PACSIN2: variants seen among roughly 807,000 people sequenced by gnomAD.
PACSIN2 encodes protein kinase C and casein kinase substrate in neurons 2, also known as protein kinase C and casein kinase substrate in neurons protein 2.
In PACSIN2, 25 loss-of-function variants were observed where a neutral mutation model predicts 63.8. The observed-to-expected ratio is 0.39, with a 90% confidence interval of 0.29 to 0.55. The LOEUF (loss-of-function observed/expected upper bound fraction) is 0.55. Among genes scored for constraint, PACSIN2 ranks in the 20% least tolerant of loss-of-function variants. The pLI, the probability that PACSIN2 is intolerant of heterozygous loss-of-function variation, is 0.62. For synonymous variants in PACSIN2, 255 were observed against 256.2 expected (o/e 1.00, Z 0.05); for missense variants, 518 against 646.9 (o/e 0.80, Z 2.16).
chr22:43,000,342 A>C (rs1569367494), intron 1 of PACSIN2, among the ~76,000 whole-genome samples: 1 of 152,320 alleles, frequency 6.6e-6, no homozygotes, highest in East Asian at 1.9e-4. Context: ...CTCTACCCCA[A>C]GGAGAGAACT....
At chr22:42,963,007 T>C (rs549016976) in intron 1 of PACSIN2, among the ~76,000 whole-genome samples, 3 of 152,280 alleles carry the variant, frequency 2.0e-5, no homozygotes, top group South Asian at 2.1e-4. Context: ...GACCACTCTT[T>C]AGGTGATGCT....
chr22:42,982,819 C>T (rs1922277462), intron 1 of PACSIN2, among the ~76,000 whole-genome samples: 1 of 134,950 alleles, frequency 7.4e-6, no homozygotes, highest in African/African-American at 2.8e-5. Context: ...CACTATTGTC[C>T]TATGACCCTG....
In PACSIN2 at chr22:42,888,724, G is replaced by A. The variant is rs773101915; in HGVS notation, c.528C>T (p.Ser176=). The change falls in exon 5 of 11, where the codon AGC becomes AGT. Residue 176 remains serine, a synonymous_variant. Coordinates refer to ENST00000263246, the MANE Select transcript of PACSIN2 (RefSeq NM_001184970.3). The part of the protein sequence containing the change: ...EKLAISREAN[S]KADPSLNPEQ... ...CAGGGTTGAGGGATGGGTCTGCCTT[G>A]CTGTTGGCTTCTCGTGAGATAGCCA... 1.2e-5 allele frequency: 19 copies of A among 1,614,040 alleles called. No individual in the cohort carries two copies. The South Asian group carries it at 2.1e-4, about 18-fold the overall frequency.
chr22:42,913,353 C>T (rs1931586309), intron 1 of PACSIN2, among the ~76,000 whole-genome samples: 1 of 152,056 alleles, frequency 6.6e-6, no homozygotes, highest in Non-Finnish European at 1.5e-5. Context: ...GTGGCATGTG[C>T]CTATAATCCC....
chr22:42,918,338 A>C (rs1931947321), intron 1 of PACSIN2, among the ~76,000 whole-genome samples: 1 of 152,206 alleles, frequency 6.6e-6, no homozygotes, highest in Non-Finnish European at 1.5e-5. Context: ...GTTTGCATCA[A>C]ACCAAGCAAG....
intron 1 of PACSIN2, among the ~76,000 whole-genome samples, chr22:42,952,230 T>G (rs1487124948): frequency 6.6e-6 from 1 of 152,188 alleles, no homozygotes; most frequent in African/African-American, 2.4e-5. Flanking sequence ...AATGAATGAG[T>G]CAAGGAATGA....
chr22:42,892,683 C>T (rs1929997776), intron 3 of PACSIN2, among the ~76,000 whole-genome samples: 1 of 152,212 alleles, frequency 6.6e-6, no homozygotes, highest in African/African-American at 2.4e-5. Flanking sequence ...CCCACACAAA[C>T]AACCCATGTC....
chr22:42,971,408 G>A (rs1921257775), intron 1 of PACSIN2, among the ~76,000 whole-genome samples: 1 of 152,210 alleles, frequency 6.6e-6, no homozygotes, highest in South Asian at 2.1e-4. Flanking sequence ...CCAGGCTGGA[G>A]TGCAGTGGCG....
chr22:42,899,115 G>A (rs919705772), intron 2 of PACSIN2, among the ~76,000 whole-genome samples: 1 of 152,144 alleles, frequency 6.6e-6, no homozygotes, highest in Admixed American at 6.5e-5. Flanking sequence ...TGGGCCCTAA[G>A]AGGGTGTGGA....
intron 1 of PACSIN2, among the ~76,000 whole-genome samples, chr22:42,934,021 T>G (rs1241209825): frequency 2.0e-5 from 3 of 152,210 alleles, no homozygotes; most frequent in Non-Finnish European, 2.9e-5. Context: ...CCTCAAATAC[T>G]TACAAGAACA....
intron 5 of PACSIN2, among the ~76,000 whole-genome samples, chr22:42,885,630 C>T (rs138467670): frequency 1.5e-4 from 23 of 152,230 alleles, no homozygotes; most frequent in Middle Eastern, 3.4e-3. Context: ...CTCTGACTCA[C>T]GTGGCTCAGA....
At chr22:42,909,889 G>A (rs1374914052) in intron 2 of PACSIN2, among the ~76,000 whole-genome samples, 2 of 152,204 alleles carry the variant, frequency 1.3e-5, no homozygotes, top group Non-Finnish European at 2.9e-5. Context: ...CGCAGGAACA[G>A]ACATTGACTG....
chr22:42,995,323 T>C (rs1431708141), intron 1 of PACSIN2, among the ~76,000 whole-genome samples: 1 of 152,230 alleles, frequency 6.6e-6, no homozygotes, highest in Middle Eastern at 3.2e-3. Flanking sequence ...ATGCAAATAT[T>C]TAAAGAACAG....
intron 2 of PACSIN2, among the ~76,000 whole-genome samples, chr22:42,900,936 C>T (rs1416998517): frequency 1.3e-5 from 2 of 152,202 alleles, no homozygotes; most frequent in African/African-American, 2.4e-5. Flanking sequence ...GATGCGTGTG[C>T]TTCCAGCCAG....
chr22:42,972,553 A>C (rs921964797), intron 1 of PACSIN2, among the ~76,000 whole-genome samples: 2 of 152,158 alleles, frequency 1.3e-5, no homozygotes, highest in African/African-American at 4.8e-5. Context: ...TTTTAGAAAA[A>C]TAGTTCCTTA....
At chr22:43,009,962 C>T (rs775896010) in intron 1 of PACSIN2, among the ~76,000 whole-genome samples, 2 of 150,758 alleles carry the variant, frequency 1.3e-5, no homozygotes, top group South Asian at 4.2e-4. Flanking sequence ...CTCTGCCTCC[C>T]GGGTTCTAGT....
chr22:42,879,283 T>A, intron 7 of PACSIN2, 114 bp from the exon 8 acceptor site: 2 of 1,130,072 alleles, frequency 1.8e-6, no homozygotes, highest in Non-Finnish European at 2.5e-6. Context: ...ATCTGATGTG[T>A]AGACTCAGGG....
At chr22:43,011,155 G>A (rs1924463301) in intron 1 of PACSIN2, among the ~76,000 whole-genome samples, 2 of 152,182 alleles carry the variant, frequency 1.3e-5, no homozygotes, top group African/African-American at 4.8e-5. Flanking sequence ...GATACTTTCT[G>A]GTATGTGAGG....
intron 3 of PACSIN2, among the ~76,000 whole-genome samples, chr22:42,893,214 G>A (rs1930037805): frequency 6.6e-6 from 1 of 152,226 alleles, no homozygotes; most frequent in Admixed American, 6.5e-5. Context: ...TCCTATGGAT[G>A]ACAAGGGCTA....
Sources: allele counts gnomAD v4.1 joint callset (sites outside exome capture counted in the v4.1 genomes callset), GRCh38; gene constraint gnomAD v4.1.1; transcripts MANE v1.5; gene names NCBI Gene and HGNC (gene_info 2026-07-23, HGNC 2026-07-21).